The following AIF1L variants were observed in gnomAD, a reference collection of about 807,000 sequenced individuals.
AIF1L encodes allograft inflammatory factor 1 like, also known as allograft inflammatory factor 1-like.
In AIF1L, 12 loss-of-function variants were observed where a neutral mutation model predicts 20.7. That is an observed-to-expected ratio of 0.58 (90% CI 0.37 to 0.94). AIF1L has a LOEUF of 0.94. AIF1L is among the 40% of genes least tolerant of loss of function. The pLI is 0.01. For synonymous variants in AIF1L, 76 were observed against 65.1 expected (o/e 1.17, Z -0.81); for missense variants, 173 against 185.3 (o/e 0.93, Z 0.39).
chr9:131,100,684 G>A (rs542121993), intron 2 of AIF1L, among the ~76,000 whole-genome samples: 1 of 152,366 alleles, frequency 6.6e-6, no homozygotes, highest in African/African-American at 2.4e-5. Flanking sequence ...CATTCCCCGA[G>A]CCCTGATGGC....
At chr9:131,100,582 G>T (rs1830616312) in intron 2 of AIF1L, among the ~76,000 whole-genome samples, 1 of 152,252 alleles carries the variant, frequency 6.6e-6, no homozygotes, top group South Asian at 2.1e-4. Flanking sequence ...TCCATTTGCT[G>T]TGTGTTTGTA....
intron 5 of AIF1L, among the ~76,000 whole-genome samples, chr9:131,119,259 G>T (rs760074376): frequency 6.6e-6 from 1 of 152,194 alleles, no homozygotes; most frequent in Admixed American, 6.5e-5. Flanking sequence ...CCAGCGCTTC[G>T]GGAGGCTGAG....
chr9:131,097,470 C>T (rs1219749743), intron 2 of AIF1L, among the ~76,000 whole-genome samples: 1 of 152,170 alleles, frequency 6.6e-6, no homozygotes, highest in Non-Finnish European at 1.5e-5. Flanking sequence ...CCGTGGTCTC[C>T]AGCCTCCCGC....
intron 2 of AIF1L, among the ~76,000 whole-genome samples, chr9:131,101,213 A>G (rs1447140793): frequency 2.6e-5 from 4 of 152,100 alleles, no homozygotes; most frequent in Non-Finnish European, 4.4e-5. Context: ...GAGATCTTCA[A>G]CACAGTAACG....
At position 131,120,250 on chromosome 9, in the gene AIF1L, A is replaced by C. The variant is rs376074073; in HGVS notation, c.381A>C (p.Glu127Asp). 9.3e-6 allele frequency: 15 copies of C among 1,613,556 alleles called. No individual in the cohort carries two copies. The highest frequency in any genetic ancestry group is 1.3e-5 in the Non-Finnish European group (15 of 1,179,898). ...TCCAAACCAGAGTCATGATGTTTGA[A>C]GGAAAAGCCAACGAGAGCAGCCCCA... ...SAVLKLVMMF[E>D]GKANESSPKP... The change falls in exon 6 of 6, where the codon GAA becomes GAC. Residue 127 changes from glutamate to aspartate, a missense_variant. Coordinates refer to ENST00000247291, the MANE Select transcript of AIF1L (RefSeq NM_031426.4).
rs1477422524 is a variant in AIF1L at position 131,122,049 on chromosome 9, AGACAAT to A, written c.*1736_*1741del. ...AGAGTCCAATAGGAAAGTGAGACCCAGACAATGACAATGAGATAAATGTTAGGAAGG... is the reference window on the plus strand; with the variant it reads ...AGAGTCCAATAGGAAAGTGAGACCCAGACAATGAGATAAATGTTAGGAAGG... On this transcript the variant is annotated 3_prime_UTR_variant, in exon 6 of 6. Coordinates refer to ENST00000247291, the MANE Select transcript of AIF1L (RefSeq NM_031426.4). The A allele has an allele frequency of 5.9e-5, 9 of 152,280 alleles. No homozygotes were observed. Among genetic ancestry groups the A allele is most frequent in the South Asian group, 2.1e-4 (1 of 4,834 alleles). 9.4% of individuals were successfully genotyped at this position (152,280 alleles called of 1,614,324 possible). A position where few individuals can be genotyped will look rare whatever the true frequency, so the allele number is the denominator to read the frequency against.
chr9:131,115,172 G>C (rs1031672656), intron 4 of AIF1L, among the ~76,000 whole-genome samples: 1 of 152,062 alleles, frequency 6.6e-6, no homozygotes, highest in Non-Finnish European at 1.5e-5. Context: ...GAAATGGGCC[G>C]GGCGCCATGG....
intron 2 of AIF1L, among the ~76,000 whole-genome samples, chr9:131,100,998 C>T (rs951946822): frequency 3.3e-5 from 5 of 151,616 alleles, no homozygotes; most frequent in African/African-American, 9.7e-5. Context: ...CCTAAGTTTA[C>T]GCGATTCTTC....
chr9:131,109,561 AAAAAAC>A (rs141540757), intron 2 of AIF1L, among the ~76,000 whole-genome samples: 7,138 of 152,204 alleles, frequency 0.047, 244 homozygotes, highest in Non-Finnish European at 0.067. Flanking sequence ...CTCCGTCTCA[AAAAAAC>A]AAAAACAAAA....
intron 3 of AIF1L, 152 bp from the exon 4 acceptor site, chr9:131,114,425 G>T (rs935833970): frequency 2.4e-5 from 19 of 781,460 alleles, no homozygotes; most frequent in Non-Finnish European, 4.0e-5. Context: ...ATGGCTCAGC[G>T]GATGGGGGAC....
intron 5 of AIF1L, 120 bp downstream of exon 5, chr9:131,118,038 C>T (rs755407130): frequency 6.7e-6 from 7 of 1,043,514 alleles, no homozygotes; most frequent in Non-Finnish European, 9.6e-6. Context: ...GTGCGACCTG[C>T]TGGACAAGGT....
In AIF1L at chr9:131,111,673, G is replaced by A. The variant is rs353525; in HGVS notation, c.160+10G>A. 0.99 allele frequency: 1,604,603 copies of A among 1,613,744 alleles called. 798,200 individuals are homozygous for A. Among genetic ancestry groups the A allele is most frequent in the East Asian group, 1 (44,878 of 44,878 alleles). ...CTCACAGCCTTCAAAGGTAAGCTGG[G>A]GCGGGCTGCCCTGCATTTATTCCTG... On this transcript the variant is annotated intron_variant, in intron 3 of 5. Coordinates refer to ENST00000247291, the MANE Select transcript of AIF1L (RefSeq NM_031426.4).
At chr9:131,112,879 G>A (rs1261989822) in intron 3 of AIF1L, among the ~76,000 whole-genome samples, 7 of 152,086 alleles carry the variant, frequency 4.6e-5, no homozygotes, top group African/African-American at 9.7e-5. Context: ...GAGGAGGCAC[G>A]GGTCTCAGGG....
chr9:131,106,639 T>C (rs12555153), intron 2 of AIF1L, among the ~76,000 whole-genome samples: 35,818 of 151,808 alleles, frequency 0.24, 4,683 homozygotes, highest in African/African-American at 0.34. Context: ...AAACATTAGC[T>C]GGGTGTGGTG....
rs1419996554 is a variant in AIF1L at position 131,096,652 on chromosome 9, G to C, written c.23G>C (p.Arg8Thr). 4.7e-6 allele frequency: 7 copies of C among 1,481,198 alleles called. No individual in the cohort carries two copies. The highest frequency in any genetic ancestry group is 6.2e-6 in the Non-Finnish European group (7 of 1,123,686). 91.8% of individuals were successfully genotyped at this position (1,481,198 alleles called of 1,614,324 possible). ...GCCATGTCGGGCGAGCTCAGCAACA[G>C]GTTCCAAGGTAGGCGCCGCCGTCCC... MSGELSNRFQGGKAFGLL... is the reference protein window; with the variant it reads MSGELSNTFQGGKAFGLL... The change falls in exon 1 of 6, where the codon AGG becomes ACG. Residue 8 changes from arginine (R) to threonine (T), a missense_variant. Physicochemically the swap from Arg to Thr is moderately conservative, Grantham distance 71. Coordinates refer to ENST00000247291, the MANE Select transcript of AIF1L (RefSeq NM_031426.4).
At chr9:131,114,698 G>A in intron 4 of AIF1L, 80 bp downstream of exon 4, 2 of 1,548,684 alleles carry the variant, frequency 1.3e-6, no homozygotes, top group Non-Finnish European at 1.8e-6. Flanking sequence ...TGCGGGTGAG[G>A]GGCATGGGGC....
chr9:131,102,134 A>T (rs1333117343), intron 2 of AIF1L, among the ~76,000 whole-genome samples: 4 of 152,060 alleles, frequency 2.6e-5, no homozygotes, highest in Non-Finnish European at 4.4e-5. Context: ...GCTGGTCTCG[A>T]ACTCCTGACC....
intron 2 of AIF1L, among the ~76,000 whole-genome samples, chr9:131,104,368 G>T (rs1465248155): frequency 6.6e-6 from 1 of 152,220 alleles, no homozygotes; most frequent in South Asian, 2.1e-4. Flanking sequence ...TCCCTGGAGG[G>T]CTATAAAGTG....
intron 2 of AIF1L, among the ~76,000 whole-genome samples, chr9:131,108,621 A>G (rs1011146082): frequency 6.6e-6 from 1 of 152,210 alleles, no homozygotes; most frequent in Non-Finnish European, 1.5e-5. Flanking sequence ...TGCTACAGCC[A>G]ATGTTTTACC....
Sources: allele counts gnomAD v4.1 joint callset (sites outside exome capture counted in the v4.1 genomes callset), GRCh38; gene constraint gnomAD v4.1.1; transcripts MANE v1.5; gene names NCBI Gene and HGNC (gene_info 2026-07-23, HGNC 2026-07-21).